The following DMBT1 variants were observed in gnomAD, a reference collection of about 807,000 sequenced individuals.
DMBT1 encodes scavenger receptor cysteine-rich domain-containing protein DMBT1.
A neutral mutation model predicts 252.9 loss-of-function variants in DMBT1; 198 were observed. That is an observed-to-expected ratio of 0.78 (90% CI 0.70 to 0.88). The LOEUF is 0.88. DMBT1 is among the 40% of genes least tolerant of loss of function. The pLI is 0.00. For missense variants in DMBT1, 2,432 were observed against 2,404.7 expected, an observed-to-expected ratio of 1.01 and a Z score of -0.24; for synonymous variants, 990 against 942.7, an observed-to-expected ratio of 1.05 and a Z score of -0.92.
chr10:122,592,188 T>G lies in DMBT1; in HGVS notation c.2177-84T>G, dbSNP rs955588167. ...TGCTTGTCCAGGCGACCTTGGCCAT[T>G]AGGAAGTACCCTGAGTGTGGAACGT... On this transcript the variant is annotated intron_variant, in intron 19 of 55. Coordinates refer to ENST00000338354, the MANE Select transcript of DMBT1 (RefSeq NM_001377530.1). 2.3e-5 allele frequency: 36 copies of G among 1,541,230 alleles called. 2 individuals are homozygous for G. In the Middle Eastern group the frequency reaches 7.1e-4, roughly 30 times the overall value.
chr10:122,634,763 C>G (rs1459531028), intron 52 of DMBT1, among the ~76,000 whole-genome samples: 1 of 152,078 alleles, frequency 6.6e-6, no homozygotes, highest in East Asian at 1.9e-4. Flanking sequence ...TCCCAAAGTG[C>G]TGGGATTACA....
rs779365046 is a variant in DMBT1, at chr10:122,586,223, G to T, written c.1623G>T (p.Met541Ile). Reference sequence around the variant, plus strand: ...GGCAGCTGGGCTGTGGCTGGGCCATGTTGGCCCCAGGAAATGCCCGGTTTG... The same window carrying T: ...GGCAGCTGGGCTGTGGCTGGGCCATTTTGGCCCCAGGAAATGCCCGGTTTG... ...VCRQLGCGWAMLAPGNARFGQ... is the reference protein window; with the variant it reads ...VCRQLGCGWAILAPGNARFGQ... The change falls in exon 16 of 56, where the codon ATG becomes ATT. Residue 541 changes from methionine to isoleucine, a missense_variant. Transcript: ENST00000338354. The T allele has an allele frequency of 4.4e-6, 7 of 1,588,916 alleles. 1 individual carries two copies. Among genetic ancestry groups the T allele is most frequent in the Admixed American group, 1.7e-5 (1 of 59,554 alleles).
Position 122,599,135 on chromosome 10 carries a change from G to C in DMBT1, c.3280+38G>C, listed in dbSNP as rs752852229. ...GAACTTGGGATCACTCTCTTGGGGT[G>C]GAGTTTGCTCCAGAAGAAACTCCTA... On this transcript the variant is annotated intron_variant, in intron 26 of 55. Transcript: ENST00000338354. The C allele has an allele frequency of 1.9e-6, 3 of 1,613,552 alleles. No homozygotes were observed. In the South Asian group the frequency reaches 3.3e-5, roughly 18 times the overall value.
rs537311991 is a variant in DMBT1, at chr10:122,632,804, G to T, written c.6368-57G>T. The T allele has an allele frequency of 3.9e-5, 62 of 1,599,534 alleles. No homozygotes were observed. In the Middle Eastern group the frequency reaches 1.2e-3, roughly 30 times the overall value. ...GCATCTGCACAGCTCATGAGCAGTCGACAGCTGTGTCAGGGATGCCAGAAA... is the reference window on the plus strand; with the variant it reads ...GCATCTGCACAGCTCATGAGCAGTCTACAGCTGTGTCAGGGATGCCAGAAA... On this transcript the variant is annotated intron_variant, in intron 50 of 55. Coordinates refer to ENST00000338354, the MANE Select transcript of DMBT1 (RefSeq NM_001377530.1).
intron 17 of DMBT1, among the ~76,000 whole-genome samples, chr10:122,589,628 G>C (rs1324095489): frequency 6.7e-6 from 1 of 148,500 alleles, no homozygotes; most frequent in African/African-American, 2.4e-5. Context: ...GGCTTTGCAG[G>C]CTGCATAGGA....
chr10:122,590,813 C>T (rs1159617490), intron 18 of DMBT1, 119 bp downstream of exon 18: 13 of 1,283,614 alleles, frequency 1.0e-5, no homozygotes, highest in African/African-American at 8.5e-5. Flanking sequence ...TACTATTTTC[C>T]CTGCTCTGTA....
chr10:122,600,824 G>T (rs551994727), intron 27 of DMBT1, among the ~76,000 whole-genome samples, 167 bp from the exon 28 acceptor site: 1 of 152,042 alleles, frequency 6.6e-6, no homozygotes, highest in Non-Finnish European at 1.5e-5. Context: ...ACCTTTGTCC[G>T]TGGATGAGTT....
chr10:122,570,805 T>C, intron 3 of DMBT1, 85 bp from the exon 4 acceptor site: 1 of 1,497,026 alleles, frequency 6.7e-7, no homozygotes, highest in African/African-American at 1.4e-5. Flanking sequence ...TTTCCAGCCC[T>C]TGCTTCAGAG....
chr10:122,561,264 G>A (rs187784107), intron 1 of DMBT1, among the ~76,000 whole-genome samples: 23 of 152,320 alleles, frequency 1.5e-4, no homozygotes, highest in Non-Finnish European at 8.8e-5. Context: ...CTACAGGTGT[G>A]TCTGGCTTGA....
chr10:122,634,789 G>A (rs79203309), intron 52 of DMBT1, among the ~76,000 whole-genome samples: 1 of 152,130 alleles, frequency 6.6e-6, no homozygotes, highest in Admixed American at 6.5e-5. Flanking sequence ...GAGCCACCAT[G>A]CCTGATGTCA....
In DMBT1 at chr10:122,625,367, AG is replaced by A. The variant is rs2098111178; in HGVS notation, c.5635+65del. 14 of 1,505,558 alleles carry A rather than the reference AG, an allele frequency of 9.3e-6. No individual in the cohort carries two copies. The East Asian group carries it at 1.1e-4, about 12-fold the overall frequency. The allele number at this position is 1,505,558 out of a possible 1,614,324, so 93.3% of individuals were successfully genotyped here. A position where few individuals can be genotyped will look rare whatever the true frequency, so the allele number is the denominator to read the frequency against. On this transcript the variant is annotated intron_variant, in intron 45 of 55. Coordinates refer to ENST00000338354, the MANE Select transcript of DMBT1 (RefSeq NM_001377530.1). Reference sequence around the variant, plus strand: ...GGGAATTCCACCCTCTCTTGTTTCCAGAAGTAGGAGGAGTAGGGTAGACTCC... The same window carrying A: ...GGGAATTCCACCCTCTCTTGTTTCCAAAGTAGGAGGAGTAGGGTAGACTCC...
In DMBT1 at chr10:122,619,297, C is replaced by T. The variant is rs1433898335; in HGVS notation, c.5216-11C>T. 1 of 1,613,892 alleles carries T rather than the reference C, an allele frequency of 6.2e-7. No homozygotes were observed. The highest frequency in any genetic ancestry group is 8.5e-7 in the Non-Finnish European group (1 of 1,179,892). On this transcript the variant is annotated splice_polypyrimidine_tract_variant and intron_variant, in intron 41 of 55. Transcript: ENST00000338354. ...TGCATCTGATCTGACCTTCTCTTCT[C>T]TTTCTCACAGCTGCTCAGTCCCAGT...
intron 11 of DMBT1, 49 bp downstream of exon 11, chr10:122,580,944 A>G (rs1290346145): frequency 4.4e-6 from 7 of 1,605,748 alleles, no homozygotes; most frequent in Admixed American, 3.3e-5. Context: ...TTTCTGCCCA[A>G]TCACCCCTTC....
At chr10:122,642,185 A>AAAC (rs1844678219) in intron 55 of DMBT1, among the ~76,000 whole-genome samples, 1 of 148,422 alleles carries the variant, frequency 6.7e-6, no homozygotes, top group South Asian at 2.1e-4. Flanking sequence ...GAAAAAAAAA[A>AAAC]CAAAAACAAA....
At chr10:122,592,131 A>G (rs893569956) in intron 19 of DMBT1, 141 bp from the exon 20 acceptor site, 1 of 1,375,626 alleles carries the variant, frequency 7.3e-7, no homozygotes, top group South Asian at 1.4e-5. Context: ...GATGAAGCTG[A>G]ACCTCTGGTT....
chr10:122,569,537 T>A (rs1176957848), intron 2 of DMBT1, among the ~76,000 whole-genome samples: 1 of 152,184 alleles, frequency 6.6e-6, no homozygotes, highest in African/African-American at 2.4e-5. Context: ...CCATGGCGTG[T>A]TCCCCAAAGA....
At chr10:122,620,995 C>A in intron 43 of DMBT1, 62 bp from the exon 44 acceptor site, 1 of 1,604,008 alleles carries the variant, frequency 6.2e-7, no homozygotes, top group Admixed American at 1.7e-5. Context: ...GAGTGTGGAA[C>A]ATTCCTTAAA....
rs538325180 is a variant in DMBT1, at chr10:122,625,442, A to G, written c.5635+139A>G. 13 of 855,984 alleles carry G rather than the reference A, an allele frequency of 1.5e-5. 1 individual carries two copies. The highest frequency in any genetic ancestry group is 6.7e-5 in the African/African-American group (4 of 59,652). The allele number at this position is 855,984 out of a possible 1,614,324, so 53.0% of individuals were successfully genotyped here. A position where few individuals can be genotyped will look rare whatever the true frequency, so the allele number is the denominator to read the frequency against. ...GAGGACTCTGATCTTTGTTAGGGTG[A>G]CGAGCTGAGTTCCCACTGCCATCAC... On this transcript the variant is annotated intron_variant, in intron 45 of 55. Coordinates refer to ENST00000338354, the MANE Select transcript of DMBT1 (RefSeq NM_001377530.1).
At chr10:122,638,510 T>C (rs563615832) in intron 54 of DMBT1, among the ~76,000 whole-genome samples, 1 of 152,338 alleles carries the variant, frequency 6.6e-6, no homozygotes, top group South Asian at 2.1e-4. Context: ...GGGTGCATCA[T>C]AGCTCACAGC....
Sources: gnomAD v4.1 joint callset for allele counts (sites outside exome capture counted in the v4.1 genomes callset) on GRCh38, gnomAD v4.1.1 for gene constraint, MANE v1.5 for transcripts, NCBI Gene and HGNC (gene_info 2026-07-23, HGNC 2026-07-21) for gene names.